Variants in CELF4 observed in about 807,000 individuals in gnomAD.
CELF4 encodes CUGBP Elav-like family member 4.
In CELF4, 18 loss-of-function variants were observed where a neutral mutation model predicts 59.9. That is an observed-to-expected ratio of 0.30 (90% CI 0.21 to 0.45). The LOEUF (loss-of-function observed/expected upper bound fraction) is 0.45. Among genes scored for constraint, CELF4 ranks in the 20% least tolerant of loss-of-function variants. The probability of loss-of-function intolerance (pLI) is 1.00; values close to 1 mark genes in which losing one functional copy is unlikely to be tolerated. For missense variants in CELF4, 456 were observed against 689.0 expected (o/e 0.66, Z 3.79); for synonymous variants, 261 against 267.1 (o/e 0.98, Z 0.22).
intron 3 of CELF4, among the ~76,000 whole-genome samples, chr18:37,285,640 C>T (rs1246672336): frequency 1.3e-5 from 2 of 152,162 alleles, no homozygotes; most frequent in Non-Finnish European, 2.9e-5. Context: ...GGATTCAGTA[C>T]AGGTGAGGGG....
chr18:37,537,815 G>T (rs2099974728), intron 1 of CELF4, among the ~76,000 whole-genome samples: 1 of 152,214 alleles, frequency 6.6e-6, no homozygotes, highest in Admixed American at 6.5e-5. Context: ...GTGCCCACCT[G>T]ATCTGGGAGG....
At chr18:37,519,446 T>C (rs1603643243) in intron 1 of CELF4, among the ~76,000 whole-genome samples, 2 of 152,242 alleles carry the variant, frequency 1.3e-5, no homozygotes, top group South Asian at 2.1e-4. Flanking sequence ...TCATCTTTCT[T>C]GGAGGCTTCA....
rs780570053 is a variant in CELF4, at chr18:37,565,435, G to A, written c.207C>T (p.Asp69=). The A allele has an allele frequency of 6.7e-5, 108 of 1,613,772 alleles. No individual in the cohort carries two copies. Among genetic ancestry groups the A allele is most frequent in the Non-Finnish European group, 8.7e-5 (103 of 1,179,908 alleles). The part of the protein sequence containing the change: ...GQIPRNLDEK[D]LKPLFEEFGK... ...CAAACTCCTCGAAGAGGGGCTTGAGGTCCTTCTCATCCAGGTTGCGGGGGA... is the reference window on the plus strand; with the variant it reads ...CAAACTCCTCGAAGAGGGGCTTGAGATCCTTCTCATCCAGGTTGCGGGGGA... Residue 69 remains aspartate (D), a synonymous_variant, in exon 1 of 13, where the codon GAC becomes GAT. Transcript: ENST00000420428.
At chr18:37,485,295 G>A (rs1174710464) in intron 2 of CELF4, among the ~76,000 whole-genome samples, 1 of 151,752 alleles carries the variant, frequency 6.6e-6, no homozygotes, top group Non-Finnish European at 1.5e-5. Context: ...GCCCCAGGCT[G>A]CCCGCGCAGG....
At chr18:37,384,848 C>G (rs1304656492) in intron 2 of CELF4, among the ~76,000 whole-genome samples, 1 of 152,170 alleles carries the variant, frequency 6.6e-6, no homozygotes, top group Non-Finnish European at 1.5e-5. Context: ...CACAGGTCAC[C>G]CAGTGAGGTG....
chr18:37,544,399 T>C (rs1330867242), intron 1 of CELF4, among the ~76,000 whole-genome samples: 2 of 152,204 alleles, frequency 1.3e-5, no homozygotes, highest in African/African-American at 2.4e-5. Flanking sequence ...ATGCATTGCA[T>C]GGCCCTTGTG....
At chr18:37,456,867 C>A (rs79828856) in intron 2 of CELF4, among the ~76,000 whole-genome samples, 10,253 of 152,124 alleles carry the variant, frequency 0.067, 612 homozygotes, top group Admixed American at 0.2. Flanking sequence ...TTCCTGAGAC[C>A]ACACCTCGGG....
At chr18:37,512,496 T>G (rs1218049037) in intron 1 of CELF4, among the ~76,000 whole-genome samples, 1 of 151,208 alleles carries the variant, frequency 6.6e-6, no homozygotes, top group African/African-American at 2.4e-5. Context: ...TTTCCTCCTC[T>G]TCTTCCTCTT....
At chr18:37,327,460 C>A (rs2097359820) in intron 2 of CELF4, among the ~76,000 whole-genome samples, 1 of 152,192 alleles carries the variant, frequency 6.6e-6, no homozygotes, top group Non-Finnish European at 1.5e-5. Flanking sequence ...GAGCACCCTG[C>A]CAGAGCAGGG....
intron 3 of CELF4, among the ~76,000 whole-genome samples, chr18:37,310,768 C>T (rs1401053052): frequency 6.6e-6 from 1 of 152,086 alleles, no homozygotes; most frequent in East Asian, 1.9e-4. Flanking sequence ...TCACTCAGTG[C>T]TCACTTGGTA....
chr18:37,400,373 T>A (rs1435297559), intron 2 of CELF4, among the ~76,000 whole-genome samples: 2 of 152,208 alleles, frequency 1.3e-5, no homozygotes, highest in African/African-American at 2.4e-5. Flanking sequence ...CACACACATA[T>A]ACATACACAT....
chr18:37,271,768 T>C (rs935719112), intron 7 of CELF4, among the ~76,000 whole-genome samples: 4 of 152,334 alleles, frequency 2.6e-5, no homozygotes, highest in African/African-American at 9.6e-5. Flanking sequence ...AGTAGACACC[T>C]TGGCCTCCTC....
chr18:37,271,459 T>C (rs2091255982), intron 7 of CELF4, among the ~76,000 whole-genome samples: 1 of 152,138 alleles, frequency 6.6e-6, no homozygotes, highest in African/African-American at 2.4e-5. Flanking sequence ...TTTCGCCATG[T>C]TGGCCAAGCT....
At chr18:37,552,233 C>T (rs1289298204) in intron 1 of CELF4, among the ~76,000 whole-genome samples, 1 of 152,218 alleles carries the variant, frequency 6.6e-6, no homozygotes, top group South Asian at 2.1e-4. Context: ...GAAAGCGGGT[C>T]CCCCACCTTG....
intron 3 of CELF4, among the ~76,000 whole-genome samples, chr18:37,315,968 C>G (rs2096855062): frequency 6.6e-6 from 1 of 152,180 alleles, no homozygotes; most frequent in African/African-American, 2.4e-5. Flanking sequence ...GGCCCTACAA[C>G]CTGGCTGCAG....
intron 1 of CELF4, among the ~76,000 whole-genome samples, chr18:37,527,027 A>G (rs2099964672): frequency 6.6e-6 from 1 of 152,124 alleles, no homozygotes; most frequent in Non-Finnish European, 1.5e-5. Flanking sequence ...GGCTAATGCC[A>G]TTTATTTACG....
chr18:37,529,423 G>A lies in CELF4; in HGVS notation c.286+35933C>T, dbSNP rs542324607. ...TGACCTCAAGGAGCTCAGGTCTGGCGCGACGTAGCATACCACACCCACTGC... is the reference window on the plus strand; with the variant it reads ...TGACCTCAAGGAGCTCAGGTCTGGCACGACGTAGCATACCACACCCACTGC... On this transcript the variant is annotated intron_variant, in intron 1 of 12. Coordinates refer to ENST00000420428, the MANE Select transcript of CELF4 (RefSeq NM_020180.4). 1.4e-4 allele frequency among the ~76,000 whole-genome samples: 22 copies of A among 152,310 alleles called. No homozygotes were observed. In the South Asian group the frequency reaches 1.9e-3, roughly 13 times the overall value.
intron 2 of CELF4, among the ~76,000 whole-genome samples, chr18:37,368,476 C>A (rs1181221201): frequency 6.6e-6 from 1 of 152,188 alleles, no homozygotes; most frequent in African/African-American, 2.4e-5. Flanking sequence ...CCGCTTGGTT[C>A]CTGGCTGGCC....
At chr18:37,337,018 C>T (rs1419873335) in intron 2 of CELF4, among the ~76,000 whole-genome samples, 2 of 152,216 alleles carry the variant, frequency 1.3e-5, no homozygotes, top group African/African-American at 4.8e-5. Context: ...CTGTGCTCCA[C>T]TCACCATGCC....
Sources: allele counts gnomAD v4.1 joint callset (sites outside exome capture counted in the v4.1 genomes callset), GRCh38; gene constraint gnomAD v4.1.1; transcripts MANE v1.5; gene names NCBI Gene and HGNC (gene_info 2026-07-23, HGNC 2026-07-21).